Variants in PCDHGA4 observed in about 807,000 individuals in gnomAD.
PCDHGA4 encodes the protein protocadherin gamma subfamily A, 4, also known as protocadherin gamma-A4.
PCDHGA4 carries 38 observed loss-of-function variants against 54.6 expected under a neutral mutation model. That is an observed-to-expected ratio of 0.70 (90% CI 0.54 to 0.91). The LOEUF is 0.91. Among genes scored for constraint, PCDHGA4 ranks in the 40% least tolerant of loss-of-function variants. The pLI is 0.00. For synonymous variants in PCDHGA4, 511 were observed against 512.9 expected (o/e 1.00, Z 0.05); for missense variants, 1,298 against 1,220.9 (o/e 1.06, Z -0.94).
chr5:141,415,110 C>G (rs1490074484), intron 1 of PCDHGA4: 2 of 1,613,548 alleles, frequency 1.2e-6, no homozygotes, highest in East Asian at 2.2e-5. Flanking sequence ...TCAAGCAAAG[C>G]CTCGTAGTGG....
intron 1 of PCDHGA4, 110 bp from the exon 2 acceptor site, chr5:141,494,697 T>C: frequency 6.3e-7 from 1 of 1,590,934 alleles, no homozygotes; most frequent in Non-Finnish European, 8.6e-7. Flanking sequence ...TAGTCCGTTT[T>C]CTTCTCTGTG....
At chr5:141,372,060 A>T in intron 1 of PCDHGA4, 1 of 1,613,540 alleles carries the variant, frequency 6.2e-7, no homozygotes, top group East Asian at 2.2e-5. Flanking sequence ...GGACGACCGC[A>T]ACGACAATGC....
rs11410533 is a variant in PCDHGA4, at chr5:141,429,387, TA to T, written c.2515-65412del. ...AAATGGAGAAAATGTGTTTTTTTTT[TA>T]AAAAAAATTGAGATTAAGGTCTCAT... On this transcript the variant is annotated intron_variant, in intron 1 of 3. Transcript: ENST00000571252. Among the ~76,000 whole-genome samples, 10 of 151,446 alleles carry T rather than the reference TA, an allele frequency of 6.6e-5. No individual in the cohort carries two copies. In the South Asian group the frequency reaches 1.0e-3, roughly 16 times the overall value.
At chr5:141,504,364 G>A (rs764741297) in intron 2 of PCDHGA4, among the ~76,000 whole-genome samples, 2 of 152,116 alleles carry the variant, frequency 1.3e-5, no homozygotes, top group African/African-American at 2.4e-5. Flanking sequence ...GCTTCAGTAG[G>A]AAGCAGGTGG....
At chr5:141,376,318 G>C (rs373956139) in intron 1 of PCDHGA4, 6 of 1,614,200 alleles carry the variant, frequency 3.7e-6, no homozygotes, top group East Asian at 4.5e-5. Context: ...GCGTGGAAGG[G>C]GTTCGGGCTT....
At chr5:141,365,352 A>G in intron 1 of PCDHGA4, 1 of 1,613,938 alleles carries the variant, frequency 6.2e-7, no homozygotes. Flanking sequence ...CAGGACGTGA[A>G]TGACAATGCC....
intron 1 of PCDHGA4, chr5:141,361,177 A>G (rs561630104): frequency 6.2e-7 from 1 of 1,613,966 alleles, no homozygotes; most frequent in Non-Finnish European, 8.5e-7. Context: ...ACCTGAAGTT[A>G]TTGTGACTTC....
In PCDHGA4 at chr5:141,476,288, C is replaced by A. The variant is rs1446743849; in HGVS notation, c.2515-18519C>A. 3.1e-6 allele frequency: 5 copies of A among 1,613,980 alleles called. No homozygotes were observed. The highest frequency in any genetic ancestry group is 3.4e-6 in the Non-Finnish European group (4 of 1,180,026). ...CGTGGTCGCGAACCTTGGTTTGGAT[C>A]TCGGTAGCCTCTCAGCCCGCAGGTT... On this transcript the variant is annotated intron_variant, in intron 1 of 3. Coordinates refer to ENST00000571252, the MANE Select transcript of PCDHGA4 (RefSeq NM_018917.4). This position sits in a 1 kb window ranked among gnomAD's most constrained non-coding sequence, Gnocchi z 7.6.
intron 1 of PCDHGA4, among the ~76,000 whole-genome samples, chr5:141,420,727 G>C (rs1454487477): frequency 2.0e-5 from 3 of 152,180 alleles, no homozygotes; most frequent in African/African-American, 7.2e-5. Flanking sequence ...CTTTCAGTCG[G>C]TTAAAATCAA....
At chr5:141,414,957 G>A in intron 1 of PCDHGA4, 7 of 1,614,018 alleles carry the variant, frequency 4.3e-6, no homozygotes, top group Non-Finnish European at 3.4e-6. Flanking sequence ...TGGTGACCAA[G>A]GTGGTGGCGG....
intron 1 of PCDHGA4, chr5:141,362,028 C>T (rs749282896): frequency 6.2e-7 from 1 of 1,608,888 alleles, no homozygotes; most frequent in East Asian, 2.2e-5. Flanking sequence ...CAGCGCGTGC[C>T]TTGGGCGACA....
chr5:141,385,490 G>A, intron 1 of PCDHGA4: 15 of 1,399,988 alleles, frequency 1.1e-5, no homozygotes, highest in East Asian at 2.6e-5. Context: ...AGAACACATA[G>A]GATATAGTAT....
chr5:141,357,532 A>G lies in PCDHGA4; in HGVS notation c.2425A>G (p.Thr809Ala), dbSNP rs1473543318. Residue 809 changes from threonine (T) to alanine (A), a missense_variant, in exon 1 of 4, where the codon ACG becomes GCG. Coordinates refer to ENST00000571252, the MANE Select transcript of PCDHGA4 (RefSeq NM_018917.4). The stretch of plus-strand genomic sequence containing the variant: ...CTTCTCCCAACCCAGCTATGCAGAC[A>G]CGCTCATCAGCCGGGAGAGTTGTGA... ...LIFSQPSYAD[T>A]LISRESCEKS... is the part of the protein sequence containing the mutation. 5 of 1,614,096 alleles carry G rather than the reference A, an allele frequency of 3.1e-6. No individual in the cohort carries two copies. Among genetic ancestry groups the G allele is most frequent in the Non-Finnish European group, 4.2e-6 (5 of 1,180,056 alleles).
chr5:141,421,455 C>A (rs762490406), intron 1 of PCDHGA4: 1 of 1,614,108 alleles, frequency 6.2e-7, no homozygotes, highest in South Asian at 1.1e-5. Flanking sequence ...CACAGCTTTT[C>A]GCTGTGAATC....
At position 141,478,147 on chromosome 5, in the gene PCDHGA4, C is replaced by T. The variant is rs199689679; in HGVS notation, c.2515-16660C>T. On this transcript the variant is annotated intron_variant, in intron 1 of 3. Transcript: ENST00000571252. The stretch of plus-strand genomic sequence containing the variant: ...ACTCTCCTGAAGCCCGAGCCGAGTT[C>T]CCCTCTGGCTCTGCCCCCCGGGAGC... The T allele has an allele frequency of 2.0e-5, 32 of 1,614,076 alleles. 1 individual carries two copies. In the East Asian group the frequency reaches 5.3e-4, roughly 27 times the overall value.
chr5:141,485,192 A>T lies in PCDHGA4; in HGVS notation c.2515-9615A>T. 1.2e-6 allele frequency: 2 copies of T among 1,613,942 alleles called. No individual in the cohort carries two copies. Among genetic ancestry groups the T allele is most frequent in the African/African-American group, 2.7e-5 (2 of 75,048 alleles). On this transcript the variant is annotated intron_variant, in intron 1 of 3. Transcript: ENST00000571252. The surrounding 1 kb of genome is among the most constrained non-coding windows in gnomAD (Gnocchi z 5.7). ...GGCAGCAATGCTCCGCAAGGTGAGA[A>T]GCTGGACAGAAATCTGGCGGTGGGC... is the stretch of plus-strand genomic sequence containing the variant.
chr5:141,409,405 C>G, intron 1 of PCDHGA4: 1 of 1,614,050 alleles, frequency 6.2e-7, no homozygotes, highest in Non-Finnish European at 8.5e-7. Flanking sequence ...CCAATAACTA[C>G]TACAAACTGG....
In PCDHGA4 at chr5:141,489,261, A is replaced by C; in HGVS notation, c.2515-5546A>C. 6.4e-7 allele frequency: 1 copy of C among 1,551,956 alleles called. No individual in the cohort carries two copies. Among genetic ancestry groups the C allele is most frequent in the East Asian group, 2.2e-5 (1 of 44,450 alleles). Reference sequence around the variant, plus strand: ...GGGTCATGGGGCCCAAGACACTCCCACAGCTCGCTGGGAAATGGCAAGTGC... The same window carrying C: ...GGGTCATGGGGCCCAAGACACTCCCCCAGCTCGCTGGGAAATGGCAAGTGC... On this transcript the variant is annotated intron_variant, in intron 1 of 3. Coordinates refer to ENST00000571252, the MANE Select transcript of PCDHGA4 (RefSeq NM_018917.4). The surrounding 1 kb of genome is among the most constrained non-coding windows in gnomAD (Gnocchi z 4.5).
At position 141,414,140 on chromosome 5, in the gene PCDHGA4, A is replaced by G. The variant is rs764980296; in HGVS notation, c.2514+56519A>G. ...GAAGAAACCGGTTTCTATGAAATAG[A>G]AATACAAGCAGAAGATGGAGGAGCA... On this transcript the variant is annotated intron_variant, in intron 1 of 3. Transcript: ENST00000571252. 4 of 1,596,912 alleles carry G rather than the reference A, an allele frequency of 2.5e-6. No individual in the cohort carries two copies. In the African/African-American group the frequency reaches 5.4e-5, roughly 21 times the overall value.
Sources: allele counts gnomAD v4.1 joint callset (sites outside exome capture counted in the v4.1 genomes callset), GRCh38; gene constraint gnomAD v4.1.1; non-coding constraint Gnocchi (gnomAD v3.1); transcripts MANE v1.5; gene names NCBI Gene and HGNC (gene_info 2026-07-23, HGNC 2026-07-21).